The following SCARB1 variants were observed in gnomAD, a reference collection of about 807,000 sequenced individuals.
SCARB1 encodes the protein scavenger receptor class B member 1.
Under a neutral mutation model 57.2 loss-of-function variants are expected in SCARB1, and 30 were observed. That is an observed-to-expected ratio of 0.52 (90% CI 0.39 to 0.71). The LOEUF (loss-of-function observed/expected upper bound fraction) is 0.71, where lower values mean the gene tolerates loss of function less well. SCARB1 is among the 30% of genes least tolerant of loss of function. The pLI, the probability that SCARB1 is intolerant of heterozygous loss-of-function variation, is 0.00. For missense variants in SCARB1, 543 were observed against 671.2 expected (o/e 0.81, Z 2.11); for synonymous variants, 249 against 268.3 (o/e 0.93, Z 0.70).
At chr12:124,787,356 A>G in intron 10 of SCARB1, 50 bp downstream of exon 10, 1 of 1,581,662 alleles carries the variant, frequency 6.3e-7, no homozygotes, top group Non-Finnish European at 8.7e-7. Context: ...TCAAATGCCC[A>G]CATTGGCTCT....
intron 4 of SCARB1, among the ~76,000 whole-genome samples, chr12:124,813,074 T>A (rs1017755210): frequency 2.6e-5 from 4 of 152,190 alleles, no homozygotes; most frequent in Non-Finnish European, 4.4e-5. Flanking sequence ...CTCTCCTTAC[T>A]CTTTCATACA....
intron 1 of SCARB1, among the ~76,000 whole-genome samples, chr12:124,841,233 G>A (rs1285733169): frequency 3.9e-5 from 6 of 152,126 alleles, no homozygotes; most frequent in Non-Finnish European, 7.4e-5. Flanking sequence ...TTAGCCGGGC[G>A]TGGTGGCGGG....
intron 12 of SCARB1, among the ~76,000 whole-genome samples, chr12:124,781,997 C>A (rs1023716091): frequency 3.9e-5 from 6 of 152,164 alleles, no homozygotes; most frequent in Non-Finnish European, 5.9e-5. Flanking sequence ...CCTCCATCTC[C>A]CGGGTTCAAG....
intron 11 of SCARB1, 59 bp from the exon 12 acceptor site, chr12:124,782,870 C>T (rs1165148405): frequency 6.3e-7 from 1 of 1,586,290 alleles, no homozygotes; most frequent in Non-Finnish European, 8.6e-7. Flanking sequence ...AATGGTTTTA[C>T]ACGGTTCTTC....
At chr12:124,854,750 G>T (rs774695326) in intron 1 of SCARB1, among the ~76,000 whole-genome samples, 4 of 152,182 alleles carry the variant, frequency 2.6e-5, no homozygotes, top group African/African-American at 7.2e-5. Context: ...AAGATGGGGG[G>T]GCTATGATGG....
intron 1 of SCARB1, among the ~76,000 whole-genome samples, chr12:124,831,024 G>T (rs1407582969): frequency 6.6e-6 from 1 of 150,626 alleles, no homozygotes; most frequent in African/African-American, 2.4e-5. Context: ...CACCCAGGCT[G>T]GAGTGCAGTG....
intron 5 of SCARB1, among the ~76,000 whole-genome samples, chr12:124,811,513 TCCC>T: frequency 6.6e-6 from 1 of 152,038 alleles, no homozygotes; most frequent in East Asian, 1.9e-4. Flanking sequence ...CCTCAGGTGA[TCCC>T]CCCCACCTCG....
intron 1 of SCARB1, among the ~76,000 whole-genome samples, chr12:124,834,014 G>A (rs1336307387): frequency 6.6e-6 from 1 of 152,238 alleles, no homozygotes; most frequent in Non-Finnish European, 1.5e-5. Context: ...TGCCTGCACT[G>A]CCTCCTCGTG....
chr12:124,852,818 A>G (rs763597822), intron 1 of SCARB1, among the ~76,000 whole-genome samples: 45 of 152,362 alleles, frequency 3.0e-4, no homozygotes, highest in South Asian at 1.0e-3. Flanking sequence ...AGACAGGTGG[A>G]TCACCTGAGG....
intron 1 of SCARB1, among the ~76,000 whole-genome samples, chr12:124,860,997 G>A (rs537682599): frequency 3.9e-5 from 6 of 152,164 alleles, no homozygotes; most frequent in African/African-American, 1.4e-4. Flanking sequence ...CACAGAAAAG[G>A]GTCTAGAAAG....
At position 124,814,834 on chromosome 12, in the gene SCARB1, G is replaced by T; in HGVS notation, c.426+139C>A. 9.2e-7 allele frequency: 1 copy of T among 1,081,438 alleles called. No individual in the cohort carries two copies. Among genetic ancestry groups the T allele is most frequent in the Non-Finnish European group, 1.4e-6 (1 of 729,864 alleles). The allele number at this position is 1,081,438 out of a possible 1,614,324, so 67.0% of individuals were successfully genotyped here. ...ACTGGGGGTGGTGGAGACAGCACAG[G>T]GCCGAAAGCCACCCACCAGGCGTGA... On this transcript the variant is annotated intron_variant, in intron 3 of 12. Transcript: ENST00000261693. This position sits in a 1 kb window ranked among gnomAD's most constrained non-coding sequence, Gnocchi z 4.7.
intron 1 of SCARB1, among the ~76,000 whole-genome samples, chr12:124,837,464 A>G (rs1371486186): frequency 8.5e-5 from 6 of 70,338 alleles, no homozygotes; most frequent in African/African-American, 1.5e-4. Context: ...AGAAGGAAAG[A>G]AAGAAAGAAA....
chr12:124,849,994 G>A (rs1225656516), intron 1 of SCARB1, among the ~76,000 whole-genome samples: 2 of 126,146 alleles, frequency 1.6e-5, no homozygotes, highest in African/African-American at 6.0e-5. Context: ...AGCCTGAGTG[G>A]TTGAAGCTGC....
chr12:124,778,519 G>A lies in SCARB1; in HGVS notation c.*68C>T. 7.3e-7 allele frequency: 1 copy of A among 1,370,128 alleles called. No individual in the cohort carries two copies. The highest frequency in any genetic ancestry group is 9.4e-7 in the Non-Finnish European group (1 of 1,060,552). 84.9% of individuals were successfully genotyped at this position (1,370,128 alleles called of 1,614,324 possible). On this transcript the variant is annotated 3_prime_UTR_variant, in exon 13 of 13. Transcript: ENST00000261693. ...GCTGGGAGAGTCCGGGAGAAGCGGG[G>A]TGTAGGGGCTGGGGGGCCGGTCAGG... is the stretch of plus-strand genomic sequence containing the variant.
At chr12:124,778,612 AC>A in intron 12 of SCARB1, 26 bp from the exon 13 acceptor site, 2 of 1,413,548 alleles carry the variant, frequency 1.4e-6, no homozygotes, top group Non-Finnish European at 1.8e-6. Context: ...AAGCTGGGTG[AC>A]CACCCACGCC....
intron 1 of SCARB1, among the ~76,000 whole-genome samples, chr12:124,854,364 G>C (rs1952546695): frequency 6.6e-6 from 1 of 152,250 alleles, no homozygotes; most frequent in Admixed American, 6.5e-5. Context: ...AAAAGTGGCA[G>C]GGGTGGATGG....
At chr12:124,804,589 C>T (rs552535254) in intron 7 of SCARB1, among the ~76,000 whole-genome samples, 1 of 152,306 alleles carries the variant, frequency 6.6e-6, no homozygotes, top group African/African-American at 2.4e-5. Context: ...CCGCCGATAC[C>T]AGCAAAGAAT....
At chr12:124,798,699 C>T (rs750004761) in intron 8 of SCARB1, among the ~76,000 whole-genome samples, 2 of 151,938 alleles carry the variant, frequency 1.3e-5, no homozygotes, top group Non-Finnish European at 2.9e-5. Context: ...AAAAATTAGC[C>T]GGGTGTGGTG....
chr12:124,833,085 G>A (rs557038315), intron 1 of SCARB1, among the ~76,000 whole-genome samples: 1 of 151,778 alleles, frequency 6.6e-6, no homozygotes, highest in Non-Finnish European at 1.5e-5. Flanking sequence ...TGCTTCTGAG[G>A]TCACATCTCC....
Sources: gnomAD v4.1 joint callset for allele counts (sites outside exome capture counted in the v4.1 genomes callset) on GRCh38, gnomAD v4.1.1 for gene constraint, Gnocchi (gnomAD v3.1) non-coding constraint, MANE v1.5 for transcripts, NCBI Gene and HGNC (gene_info 2026-07-23, HGNC 2026-07-21) for gene names.